HS1BP3: variants seen among roughly 807,000 people sequenced by gnomAD.
HS1BP3 encodes the protein HCLS1-binding protein 3.
Under a neutral mutation model 33.5 loss-of-function variants are expected in HS1BP3, and 32 were observed. The ratio of observed to expected loss-of-function variants is 0.95; its 90% CI spans 0.72 to 1.28. The LOEUF (loss-of-function observed/expected upper bound fraction) is 1.28. Among genes scored for constraint, HS1BP3 ranks in the 50% most tolerant of loss-of-function variants. The probability of loss-of-function intolerance (pLI) is 0.00; values close to 1 mark genes in which losing one functional copy is unlikely to be tolerated. For missense variants in HS1BP3, 486 were observed against 502.3 expected (o/e 0.97, Z 0.31); for synonymous variants, 187 against 209.2 (o/e 0.89, Z 0.92).
intron 5 of HS1BP3, among the ~76,000 whole-genome samples, chr2:20,584,759 C>T (rs1276219163): frequency 1.3e-5 from 2 of 152,118 alleles, no homozygotes; most frequent in African/African-American, 4.8e-5. Context: ...TGTTTATGCT[C>T]ATGGGGCTGG....
intron 1 of HS1BP3, among the ~76,000 whole-genome samples, chr2:20,650,348 C>A (rs760961788): frequency 6.6e-6 from 1 of 152,202 alleles, no homozygotes; most frequent in Non-Finnish European, 1.5e-5. Context: ...TGCCTCCCAG[C>A]CTTGCCAGGA....
chr2:20,601,120 TA>T (rs2149282865), intron 2 of HS1BP3, among the ~76,000 whole-genome samples: 1 of 152,368 alleles, frequency 6.6e-6, no homozygotes, highest in Non-Finnish European at 1.5e-5. Flanking sequence ...GAAAATAGTT[TA>T]TCATTAGCTT....
chr2:20,566,910 C>T (rs538659815), intron 5 of HS1BP3, among the ~76,000 whole-genome samples: 4 of 152,144 alleles, frequency 2.6e-5, no homozygotes, highest in Admixed American at 6.5e-5. Context: ...GCTGGCCCCC[C>T]ACAGGTTCTC....
chr2:20,584,719 A>G (rs1247487656), intron 5 of HS1BP3, among the ~76,000 whole-genome samples: 2 of 152,164 alleles, frequency 1.3e-5, no homozygotes, highest in Admixed American at 6.5e-5. Context: ...AGCCTGAGTC[A>G]TTCCTGGGTC....
At chr2:20,586,696 T>C (rs1693692591) in intron 5 of HS1BP3, 1 of 152,152 alleles carries the variant, frequency 6.6e-6, no homozygotes, top group Non-Finnish European at 1.5e-5. Context: ...AACACATATA[T>C]GCAACAGATA....
intron 2 of HS1BP3, among the ~76,000 whole-genome samples, chr2:20,641,751 A>G (rs1213001820): frequency 6.6e-6 from 1 of 152,198 alleles, no homozygotes; most frequent in African/African-American, 2.4e-5. Context: ...CTGTCATCAG[A>G]AGGCAGCCTT....
At chr2:20,624,197 G>T (rs1172936275) in intron 5 of HS1BP3, among the ~76,000 whole-genome samples, 166 bp from the exon 6 acceptor site, 1 of 152,168 alleles carries the variant, frequency 6.6e-6, no homozygotes, top group Non-Finnish European at 1.5e-5. Flanking sequence ...GTCAGGCAAT[G>T]ACCTGTCTCC....
chr2:20,578,054 C>A (rs1001960001), intron 5 of HS1BP3, among the ~76,000 whole-genome samples: 1 of 152,222 alleles, frequency 6.6e-6, no homozygotes, highest in African/African-American at 2.4e-5. Flanking sequence ...ATGATCCAGC[C>A]GGCTGGGGAC....
exon 3 of HS1BP3, chr2:20,598,211 A>G: frequency 5.1e-6 from 2 of 393,068 alleles, no homozygotes; most frequent in South Asian, 3.7e-5. Flanking sequence ...AACTCACCAT[A>G]ATGTAGAATC....
chr2:20,642,398 G>A lies in HS1BP3; in HGVS notation c.199-1218C>T, dbSNP rs537656335. ...CAGAACCTCCAGTGGGGAGTCACCTGGGACAGGTGCTGCTTGCAGTTGTCA... is the reference window on the plus strand; with the variant it reads ...CAGAACCTCCAGTGGGGAGTCACCTAGGACAGGTGCTGCTTGCAGTTGTCA... On this transcript the variant is annotated intron_variant, in intron 2 of 6. Transcript: ENST00000304031. Among the ~76,000 whole-genome samples the A allele has an allele frequency of 8.5e-5, 13 of 152,300 alleles. No homozygotes were observed. In the South Asian group the frequency reaches 2.5e-3, roughly 29 times the overall value.
At chr2:20,636,792 T>A (rs1033358132) in intron 4 of HS1BP3, 11 of 152,368 alleles carry the variant, frequency 7.2e-5, no homozygotes, top group African/African-American at 2.6e-4. Flanking sequence ...ACAGATATAA[T>A]GAGATCATGC....
intron 6 of HS1BP3, among the ~76,000 whole-genome samples, chr2:20,620,344 G>A (rs1419955178): frequency 6.6e-6 from 1 of 152,242 alleles, no homozygotes; most frequent in Non-Finnish European, 1.5e-5. Context: ...CCTGCATGTG[G>A]CTGGTTCTCT....
At chr2:20,556,909 A>T (rs1194718528), downstream of HS1BP3, among the ~76,000 whole-genome samples, 2 of 152,168 alleles carry the variant, frequency 1.3e-5, no homozygotes, top group African/African-American at 4.8e-5. Flanking sequence ...GAAGGTTCTG[A>T]ACTGGCTTTC....
At chr2:20,600,836 A>G (rs1007091868) in intron 2 of HS1BP3, among the ~76,000 whole-genome samples, 1 of 152,150 alleles carries the variant, frequency 6.6e-6, no homozygotes, top group Admixed American at 6.5e-5. Context: ...AAAAAAATAT[A>G]TATTTCTCTT....
intron 3 of HS1BP3, among the ~76,000 whole-genome samples, chr2:20,596,938 C>A (rs1693956502): frequency 6.6e-6 from 1 of 152,192 alleles, no homozygotes; most frequent in African/African-American, 2.4e-5. Context: ...GCTCCCTGGA[C>A]TCTGTGGGTA....
chr2:20,555,052 G>C, the HS1BP3 span, among the ~76,000 whole-genome samples: 1 of 152,146 alleles, frequency 6.6e-6, no homozygotes, highest in Non-Finnish European at 1.5e-5. Context: ...AACGGAACAG[G>C]CATTAGTCTT....
At chr2:20,622,651 C>T in intron 6 of HS1BP3, 1 of 251,414 alleles carries the variant, frequency 4.0e-6, no homozygotes, top group Admixed American at 4.4e-5. Context: ...TAAACTAGGC[C>T]AGAAAGGTCC....
chr2:20,606,657 CA>C (rs1258607590), intron 2 of HS1BP3: 1 of 439,004 alleles, frequency 2.3e-6, no homozygotes, highest in Non-Finnish European at 4.5e-6. Context: ...GGTGGCATTG[CA>C]AAGCTCAGAG....
Position 20,640,871 on chromosome 2 carries a change from G to C in HS1BP3, c.406+102C>G, listed in dbSNP as rs201390017. On this transcript the variant is annotated intron_variant, in intron 3 of 6. Transcript: ENST00000304031. ...CTCACCAGCCTGGCTGAAGCCTCCA[G>C]GCTGCAGAGGCAGCTGTGGACATGC... 1.4e-4 allele frequency: 160 copies of C among 1,180,310 alleles called. 2 individuals carry two copies. In the South Asian group the frequency reaches 2.0e-3, roughly 15 times the overall value. 73.1% of individuals were successfully genotyped at this position (1,180,310 alleles called of 1,614,324 possible).
Sources: allele counts gnomAD v4.1 joint callset (sites outside exome capture counted in the v4.1 genomes callset), GRCh38; gene constraint gnomAD v4.1.1; transcripts MANE v1.5; gene names NCBI Gene and HGNC (gene_info 2026-07-23, HGNC 2026-07-21).